CD2AP: variants seen among roughly 807,000 people sequenced by gnomAD.
CD2AP encodes the protein CD2 associated protein.
In CD2AP, 46 loss-of-function variants were observed where a neutral mutation model predicts 85.1. That is an observed-to-expected ratio of 0.54 (90% CI 0.43 to 0.69). The LOEUF (loss-of-function observed/expected upper bound fraction) is 0.69. Among genes scored for constraint, CD2AP ranks in the 30% least tolerant of loss-of-function variants. The pLI, the probability that CD2AP is intolerant of heterozygous loss-of-function variation, is 0.00. For missense variants in CD2AP, 769 were observed against 729.5 expected (o/e 1.05, Z -0.62); for synonymous variants, 255 against 252.9 (o/e 1.01, Z -0.08).
chr6:47,508,506 C>G (rs1291591946), intron 2 of CD2AP, among the ~76,000 whole-genome samples: 2 of 145,066 alleles, frequency 1.4e-5, no homozygotes, highest in African/African-American at 2.6e-5. Context: ...CTGGTTTGAT[C>G]TTCTAATGAC....
intron 4 of CD2AP, chr6:47,545,279 G>A (rs1767334296): frequency 6.5e-6 from 1 of 154,886 alleles, no homozygotes; most frequent in Non-Finnish European, 1.4e-5. Flanking sequence ...AGAACCCACA[G>A]ACCCTCTGAA....
chr6:47,583,052 G>A (rs1275842696), intron 11 of CD2AP, among the ~76,000 whole-genome samples: 1 of 152,036 alleles, frequency 6.6e-6, no homozygotes, highest in Non-Finnish European at 1.5e-5. Flanking sequence ...CAAAGTGCTG[G>A]GATTACAGGT....
At chr6:47,523,355 G>A (rs907307912) in intron 2 of CD2AP, among the ~76,000 whole-genome samples, 1 of 151,964 alleles carries the variant, frequency 6.6e-6, no homozygotes, top group African/African-American at 2.4e-5. Flanking sequence ...CTTGACTGTA[G>A]TAATCATTTC....
In CD2AP at chr6:47,576,466, TA is replaced by T. The variant is rs144331531; in HGVS notation, c.730-56del. 8.5e-3 allele frequency: 9,722 copies of T among 1,137,440 alleles called. 117 individuals are homozygous for T. The highest frequency in any genetic ancestry group is 0.039 in the African/African-American group (2,537 of 65,602). 70.5% of individuals were successfully genotyped at this position (1,137,440 alleles called of 1,614,324 possible). ...GGTAACTGTAAATGGAAACTTTGTT[TA>T]ACAGTATTATCTTTATTCTATCTTA... is the stretch of plus-strand genomic sequence containing the variant. On this transcript the variant is annotated intron_variant, in intron 6 of 17. Transcript: ENST00000359314.
At chr6:47,611,602 A>T (rs1190855061) in intron 16 of CD2AP, among the ~76,000 whole-genome samples, 1 of 151,536 alleles carries the variant, frequency 6.6e-6, no homozygotes. Context: ...TTCTTCATGA[A>T]TTTTTTCTTT....
rs150093624 is a variant in CD2AP at position 47,533,559 on chromosome 6, A to C, written c.166-43A>C. The C allele has an allele frequency of 1.7e-5, 27 of 1,584,728 alleles. No individual in the cohort carries two copies. The East Asian group carries it at 6.3e-4, about 37-fold the overall frequency. On this transcript the variant is annotated intron_variant, in intron 2 of 17. Coordinates refer to ENST00000359314, the MANE Select transcript of CD2AP (RefSeq NM_012120.3). ...TTACATTTGAGGATTTAATATAAAA[A>C]ATATAACTTAACTTGCCTCTTTATT...
chr6:47,537,027 A>T (rs1767069747), intron 3 of CD2AP, among the ~76,000 whole-genome samples: 1 of 152,224 alleles, frequency 6.6e-6, no homozygotes, highest in African/African-American at 2.4e-5. Flanking sequence ...AACTCACGCT[A>T]CAGCAGAAGT....
chr6:47,561,765 G>T (rs1259767319), intron 5 of CD2AP, among the ~76,000 whole-genome samples: 1 of 152,106 alleles, frequency 6.6e-6, no homozygotes, highest in Non-Finnish European at 1.5e-5. Flanking sequence ...AATTGAGTTT[G>T]CTTTACATTT....
At chr6:47,589,377 T>TACACACACACACACACACAC (rs1430564786) in intron 11 of CD2AP, among the ~76,000 whole-genome samples, 10 of 3,496 alleles carry the variant, frequency 2.9e-3, no homozygotes, top group Admixed American at 6.5e-3. Context: ...AACTCTTGAA[T>TACACACACACACACACACAC]ATACACACAC....
chr6:47,500,134 A>G (rs141046819), intron 1 of CD2AP, among the ~76,000 whole-genome samples: 35 of 152,356 alleles, frequency 2.3e-4, no homozygotes, highest in African/African-American at 3.1e-4. Flanking sequence ...GCATTCATCC[A>G]TAATAGCTGT....
At chr6:47,483,514 C>T (rs1189647614) in intron 1 of CD2AP, among the ~76,000 whole-genome samples, 1 of 152,088 alleles carries the variant, frequency 6.6e-6, no homozygotes, top group Non-Finnish European at 1.5e-5. Flanking sequence ...TGGAGAAATA[C>T]AAGGTGGGTA....
At chr6:47,481,782 A>G in intron 1 of CD2AP, among the ~76,000 whole-genome samples, 1 of 152,196 alleles carries the variant, frequency 6.6e-6, no homozygotes, top group Middle Eastern at 3.4e-3. Flanking sequence ...TATGTTATTT[A>G]TTTACTTATT....
intron 2 of CD2AP, among the ~76,000 whole-genome samples, chr6:47,527,255 A>G (rs543700164): frequency 6.6e-5 from 10 of 152,330 alleles, no homozygotes; most frequent in East Asian, 3.9e-4. Flanking sequence ...CCTACACTCA[A>G]TGAAGAAGTA....
chr6:47,624,679 C>CTGTGTGTGTGTG lies in CD2AP; in HGVS notation c.*484_*495dup, dbSNP rs60486147. 2,884 of 121,154 alleles carry CTGTGTGTGTGTG rather than the reference C, an allele frequency of 0.024. 36 individuals are homozygous for CTGTGTGTGTGTG. Among genetic ancestry groups the CTGTGTGTGTGTG allele is most frequent in the African/African-American group, 0.037 (1,018 of 27,462 alleles). 7.5% of individuals were successfully genotyped at this position (121,154 alleles called of 1,614,324 possible). On this transcript the variant is annotated 3_prime_UTR_variant, in exon 18 of 18. Coordinates refer to ENST00000359314, the MANE Select transcript of CD2AP (RefSeq NM_012120.3). The stretch of plus-strand genomic sequence containing the variant: ...CCATAATGCATAAGGGATATAAACT[C>CTGTGTGTGTGTG]TGTGTGTGTGTGTGTGTGTGTGTGT...
chr6:47,617,327 G>C (rs779120976), intron 17 of CD2AP, among the ~76,000 whole-genome samples: 1 of 152,090 alleles, frequency 6.6e-6, no homozygotes, highest in Non-Finnish European at 1.5e-5. Context: ...TGGCTTTTCT[G>C]TTTGAGCATT....
chr6:47,533,747 T>C lies in CD2AP; in HGVS notation c.311T>C (p.Ile104Thr). ...GIQPHPQTKNIKKKTKKRQCK... is the reference protein window; with the variant it reads ...GIQPHPQTKNTKKKTKKRQCK... The stretch of plus-strand genomic sequence containing the variant: ...CAGCCACATCCACAAACCAAAAACA[T>C]TAAGAAGAGTATGTAAATAATTCCT... The change falls in exon 3 of 18, where the codon ATT (isoleucine) becomes ACT (threonine). Residue 104 changes from isoleucine to threonine, a missense_variant. By Grantham distance (89) the Ile-to-Thr change is moderately conservative. Transcript: ENST00000359314. 3 of 1,613,842 alleles carry C rather than the reference T, an allele frequency of 1.9e-6. No individual in the cohort carries two copies. The East Asian group carries it at 6.7e-5, about 36-fold the overall frequency.
intron 13 of CD2AP, among the ~76,000 whole-genome samples, chr6:47,602,329 T>C (rs1404791198): frequency 1.3e-5 from 2 of 151,978 alleles, no homozygotes; most frequent in Non-Finnish European, 1.5e-5. Flanking sequence ...TGCTTACAAT[T>C]TTTTTTCTCT....
intron 14 of CD2AP, among the ~76,000 whole-genome samples, chr6:47,607,296 T>C (rs956834586): frequency 5.3e-5 from 8 of 152,104 alleles, no homozygotes; most frequent in African/African-American, 1.9e-4. Context: ...CCCTTTGATA[T>C]ACAGATTTCC....
intron 15 of CD2AP, among the ~76,000 whole-genome samples, chr6:47,608,835 CCT>C (rs888525203): frequency 6.6e-6 from 1 of 152,008 alleles, no homozygotes; most frequent in Non-Finnish European, 1.5e-5. Flanking sequence ...CATTCTTGCC[CCT>C]GTTTCACTAG....
Sources: gnomAD v4.1 joint callset for allele counts (sites outside exome capture counted in the v4.1 genomes callset) on GRCh38, gnomAD v4.1.1 for gene constraint, MANE v1.5 for transcripts, NCBI Gene and HGNC (gene_info 2026-07-23, HGNC 2026-07-21) for gene names.